Variants in GPHN observed in about 807,000 individuals in gnomAD.
GPHN encodes the protein gephyrin.
In GPHN, 17 loss-of-function variants were observed where a neutral mutation model predicts 95.5. The observed-to-expected ratio is 0.18, with a 90% CI of 0.12 to 0.27. GPHN has a LOEUF of 0.27. GPHN is among the 10% of genes least tolerant of loss of function. GPHN has a pLI of 1.00. For missense variants in GPHN, 660 were observed against 978.1 expected, an observed-to-expected ratio of 0.67 and a Z score of 4.34; for synonymous variants, 320 against 322.5, an observed-to-expected ratio of 0.99 and a Z score of 0.08.
the GPHN span, among the ~76,000 whole-genome samples, chr14:67,243,767 A>G: frequency 6.6e-6 from 1 of 152,096 alleles, no homozygotes; most frequent in Non-Finnish European, 1.5e-5. Flanking sequence ...AAGTGCTGGG[A>G]TTACAGGCGT....
the GPHN span, chr14:67,445,992 A>T: frequency 5.9e-4 from 299 of 503,124 alleles, no homozygotes; most frequent in African/African-American, 4.1e-3. Context: ...AGTTCAAAAA[A>T]TAGGGCTTCC....
the GPHN span, among the ~76,000 whole-genome samples, chr14:67,406,597 G>T: frequency 6.6e-6 from 1 of 152,176 alleles, no homozygotes. Flanking sequence ...AGTCCTTGGA[G>T]GATTTTAAGC....
At chr14:67,695,916 A>G in the GPHN span, 1 of 579,308 alleles carries the variant, frequency 1.7e-6, no homozygotes, top group Non-Finnish European at 3.1e-6. Flanking sequence ...GCTAATCCCC[A>G]ACCATCTAGG....
At chr14:66,562,451 T>C (rs900754444) in intron 1 of GPHN, among the ~76,000 whole-genome samples, 1 of 152,154 alleles carries the variant, frequency 6.6e-6, no homozygotes, top group Non-Finnish European at 1.5e-5. Context: ...AATTTTTATT[T>C]GTCAATTGTA....
chr14:67,108,600 GT>G (rs1405481332), intron 13 of GPHN, among the ~76,000 whole-genome samples: 2 of 152,058 alleles, frequency 1.3e-5, no homozygotes, highest in African/African-American at 4.8e-5. Context: ...ATTGCTTACA[GT>G]AATAATATTA....
the GPHN span, among the ~76,000 whole-genome samples, chr14:67,698,428 G>A: frequency 5.6e-4 from 85 of 152,172 alleles, no homozygotes; most frequent in Non-Finnish European, 1.0e-3. Context: ...TTGTGCCACT[G>A]CACTCCACCC....
At chr14:66,918,595 A>G (rs1224222882) in intron 6 of GPHN, among the ~76,000 whole-genome samples, 1 of 152,148 alleles carries the variant, frequency 6.6e-6, no homozygotes, top group East Asian at 1.9e-4. Context: ...TCTTGAATTA[A>G]TGGGGAGAGA....
chr14:67,342,466 G>A, the GPHN span, among the ~76,000 whole-genome samples: 1 of 150,744 alleles, frequency 6.6e-6, no homozygotes, highest in South Asian at 2.1e-4. Context: ...GAGAATGCTC[G>A]ATTGAGTTTA....
the GPHN span, among the ~76,000 whole-genome samples, chr14:67,703,674 AT>A: frequency 6.6e-6 from 1 of 152,172 alleles, no homozygotes; most frequent in South Asian, 2.1e-4. Context: ...AAAACCCAGT[AT>A]GTCTTTTTTT....
At chr14:67,641,532 A>AATT in the GPHN span, among the ~76,000 whole-genome samples, 1 of 152,240 alleles carries the variant, frequency 6.6e-6, no homozygotes, top group Non-Finnish European at 1.5e-5. Flanking sequence ...TGAGTCTTAA[A>AATT]TAAGAATTTA....
intron 1 of GPHN, among the ~76,000 whole-genome samples, chr14:66,540,259 T>C (rs2059309475): frequency 6.6e-6 from 1 of 152,168 alleles, no homozygotes; most frequent in South Asian, 2.1e-4. Context: ...TTGGCAGGAA[T>C]ACACAGTGGC....
At chr14:66,796,059 G>T (rs2060146310) in intron 3 of GPHN, among the ~76,000 whole-genome samples, 1 of 151,904 alleles carries the variant, frequency 6.6e-6, no homozygotes, top group Non-Finnish European at 1.5e-5. Context: ...TTAATTTTTA[G>T]ATCCCACTAG....
intron 11 of GPHN, among the ~76,000 whole-genome samples, chr14:67,077,087 T>C (rs1274196): frequency 0.99 from 151,377 of 152,320 alleles, 75,240 homozygotes; most frequent in Middle Eastern, 1. Context: ...ACTTGGACAG[T>C]AAGAAGAAAG....
At chr14:67,144,250 A>AATATATATATATAT (rs71129810) in intron 18 of GPHN, among the ~76,000 whole-genome samples, 33 of 57,752 alleles carry the variant, frequency 5.7e-4, no homozygotes, top group East Asian at 8.1e-4. Flanking sequence ...AAAAAAAAAA[A>AATATATATATATAT]ATATATATAT....
At chr14:67,557,284 G>A in the GPHN span, 1 of 1,613,696 alleles carries the variant, frequency 6.2e-7, no homozygotes, top group Non-Finnish European at 8.5e-7. Flanking sequence ...TGTCATGGAA[G>A]AGAAGGTAAA....
In GPHN at chr14:66,948,750, C is replaced by T. The variant is rs117394514; in HGVS notation, c.829-16441C>T. On this transcript the variant is annotated intron_variant, in intron 8 of 22. Transcript: ENST00000478722. The stretch of plus-strand genomic sequence containing the variant: ...TTTCTCTATCGACAAGGCATTTATG[C>T]GTGACTTATCAAATACCTTAATGAA... 3.7e-3 allele frequency among the ~76,000 whole-genome samples: 564 copies of T among 152,286 alleles called. 1 individual carries two copies. Among genetic ancestry groups the T allele is most frequent in the Non-Finnish European group, 6.0e-3 (409 of 68,024 alleles).
chr14:66,636,812 C>T (rs993163440), intron 1 of GPHN, among the ~76,000 whole-genome samples: 3 of 152,214 alleles, frequency 2.0e-5, no homozygotes, highest in East Asian at 1.9e-4. Context: ...TATAATAAGG[C>T]TCTAAAAACA....
chr14:67,561,177 C>A, the GPHN span, among the ~76,000 whole-genome samples: 2,015 of 152,292 alleles, frequency 0.013, 81 homozygotes, highest in Admixed American at 0.079. Context: ...AGAACTGATG[C>A]CTGGCTTACC....
chr14:66,532,654 AATT>A (rs2058990223), intron 1 of GPHN, among the ~76,000 whole-genome samples: 1 of 152,198 alleles, frequency 6.6e-6, no homozygotes, highest in Non-Finnish European at 1.5e-5. Context: ...AAAAGGGAAC[AATT>A]ATTATAAGAA....
Sources: allele counts gnomAD v4.1 joint callset (sites outside exome capture counted in the v4.1 genomes callset), GRCh38; gene constraint gnomAD v4.1.1; transcripts MANE v1.5; gene names NCBI Gene and HGNC (gene_info 2026-07-23, HGNC 2026-07-21).